OR2J2: variants seen among roughly 807,000 people sequenced by gnomAD.
OR2J2 encodes the protein olfactory receptor family 2 subfamily J member 2.
In OR2J2, 13 loss-of-function variants were observed where a neutral mutation model predicts 16.9. The observed-to-expected ratio is 0.77, with a 90% CI of 0.50 to 1.23. The LOEUF is 1.23. Among genes scored for constraint, OR2J2 ranks in the 50% most tolerant of loss-of-function variants. The pLI is 0.00. For missense variants in OR2J2, 341 were observed against 379.1 expected, an observed-to-expected ratio of 0.90 and a Z score of 0.84; for synonymous variants, 125 against 141.2, an observed-to-expected ratio of 0.89 and a Z score of 0.81.
chr6:29,173,409 A>G (rs543039025), intron 1 of OR2J2: 1 of 460,532 alleles, frequency 2.2e-6, no homozygotes, highest in South Asian at 5.8e-5. Context: ...AGGGATGTAT[A>G]TAAAGAACTC....
In OR2J2 at chr6:29,171,059, T is replaced by C. The variant is rs1480897942; in HGVS notation, c.-64T>C. On this transcript the variant is annotated 5_prime_UTR_variant, in exon 1 of 2. Transcript: ENST00000641417. ...TTCATCAGTTTATACCTGATGAGGTTGTAGGCCAGGTAGAGAGTGACAGGG... is the reference window on the plus strand; with the variant it reads ...TTCATCAGTTTATACCTGATGAGGTCGTAGGCCAGGTAGAGAGTGACAGGG... The C allele has an allele frequency of 1.3e-5, 2 of 152,228 alleles. No individual in the cohort carries two copies. The highest frequency in any genetic ancestry group is 3.9e-4 in the East Asian group (2 of 5,168). 9.4% of individuals were successfully genotyped at this position (152,228 alleles called of 1,614,324 possible).
At chr6:29,172,398 G>T (rs1202986857) in intron 1 of OR2J2, among the ~76,000 whole-genome samples, 1 of 152,050 alleles carries the variant, frequency 6.6e-6, no homozygotes, top group Non-Finnish European at 1.5e-5. Context: ...AGGAAGAGTT[G>T]GCTGTGGCAG....
intron 1 of OR2J2, among the ~76,000 whole-genome samples, chr6:29,172,690 A>T (rs926936243): frequency 1.3e-4 from 20 of 152,170 alleles, no homozygotes; most frequent in Non-Finnish European, 2.6e-4. Flanking sequence ...CTCCATTAAA[A>T]ATTGTGGAAA....
chr6:29,171,486 A>G (rs1301785666), intron 1 of OR2J2, among the ~76,000 whole-genome samples: 6 of 152,064 alleles, frequency 3.9e-5, no homozygotes, highest in East Asian at 3.9e-4. Flanking sequence ...TTATTCTACA[A>G]CTCATAAAAG....
Position 29,174,750 on chromosome 6 carries a change from T to G in OR2J2, c.*176T>G. On this transcript the variant is annotated 3_prime_UTR_variant, in exon 2 of 2. Transcript: ENST00000641417. Reference sequence around the variant, plus strand: ...TTAGTTCTGAAATATTATGTTGAGATAAAGTTTCTGATTAGTGCCACTTTG... The same window carrying G: ...TTAGTTCTGAAATATTATGTTGAGAGAAAGTTTCTGATTAGTGCCACTTTG... The G allele has an allele frequency of 5.9e-6, 3 of 506,688 alleles. No individual in the cohort carries two copies. Among genetic ancestry groups the G allele is most frequent in the Non-Finnish European group, 1.0e-5 (3 of 296,828 alleles). The allele number at this position is 506,688 out of a possible 1,614,324, so 31.4% of individuals were successfully genotyped here.
In OR2J2 at chr6:29,173,901, C is replaced by T. The variant is rs763225482; in HGVS notation, c.266C>T (p.Pro89Leu). 3.1e-6 allele frequency: 5 copies of T among 1,611,880 alleles called. No individual in the cohort carries two copies. Among genetic ancestry groups the T allele is most frequent in the South Asian group, 1.1e-5 (1 of 90,872 alleles). Residue 89 changes from proline (P) to leucine (L), a missense_variant, in exon 2 of 2, where the codon CCG (proline) becomes CTG (leucine). Pro to Leu is a moderately conservative substitution (Grantham distance 98, BLOSUM62 -3). Coordinates refer to ENST00000641417, the MANE Select transcript of OR2J2 (RefSeq NM_030905.3). The stretch of plus-strand genomic sequence containing the variant: ...CAGTTGCTGGTGAATCTCCGGGGCC[C>T]GGAAAAGACCATCTCGTATGCTGGT... Reference protein sequence around the residue: ...IPQLLVNLRGPEKTISYAGCM... With the variant: ...IPQLLVNLRGLEKTISYAGCM...
intron 1 of OR2J2, 88 bp downstream of exon 1, chr6:29,171,193 C>T (rs1295633652): frequency 6.6e-6 from 1 of 151,778 alleles, no homozygotes; most frequent in Non-Finnish European, 1.5e-5. Flanking sequence ...TTTAAATGTT[C>T]TTACTACAAA....
Position 29,172,489 on chromosome 6 carries a change from T to C in OR2J2, c.-17-1130T>C, listed in dbSNP as rs1423965962. ...CCTGTATTTTATTGCAAAAACTATA[T>C]CATAAAAGAGTGTTTATCTTTCTCA... On this transcript the variant is annotated intron_variant, in intron 1 of 1. Coordinates refer to ENST00000641417, the MANE Select transcript of OR2J2 (RefSeq NM_030905.3). 1.3e-5 allele frequency among the ~76,000 whole-genome samples: 2 copies of C among 152,050 alleles called. 1 individual carries two copies. The highest frequency in any genetic ancestry group is 2.9e-5 in the Non-Finnish European group (2 of 68,004).
At position 29,174,204 on chromosome 6, in the gene OR2J2, G is replaced by A. The variant is rs375969093; in HGVS notation, c.569G>A (p.Cys190Tyr). Residue 190 changes from cysteine (C) to tyrosine (Y), a missense_variant, in exon 2 of 2, where the codon TGT becomes TAT. Transcript: ENST00000641417. ...CEVPALLRLS[C>Y]VDTHANELTL... ...GTTCCAGCACTTCTGCGTTTATCAT[G>A]TGTTGACACCCATGCAAATGAGCTG... 6.8e-6 allele frequency: 11 copies of A among 1,613,648 alleles called. No individual in the cohort carries two copies. The highest frequency in any genetic ancestry group is 5.0e-5 in the Admixed American group (3 of 59,916).
chr6:29,174,072 T>C lies in OR2J2; in HGVS notation c.437T>C (p.Val146Ala), dbSNP rs3116856. 0.52 allele frequency: 845,236 copies of C among 1,612,738 alleles called. 229,097 individuals carry two copies. Among genetic ancestry groups the C allele is most frequent in the Non-Finnish European group, 0.55 (650,432 of 1,179,656 alleles). ...CACCCTCGTTTCTGCCACTTGTTGG[T>C]TGCGGCTTCTTGGGTAATTGGTTTT... ...LMHPRFCHLL[V>A]AASWVIGFTI... The change falls in exon 2 of 2, where the codon GTT becomes GCT. Residue 146 changes from valine to alanine, a missense_variant. Physicochemically the swap from Val to Ala is moderately conservative, Grantham distance 64 (BLOSUM62 0). Coordinates refer to ENST00000641417, the MANE Select transcript of OR2J2 (RefSeq NM_030905.3).
chr6:29,174,279 T>G lies in OR2J2; in HGVS notation c.644T>G (p.Ile215Ser), dbSNP rs748149027. 2 of 1,613,752 alleles carry G rather than the reference T, an allele frequency of 1.2e-6. No individual in the cohort carries two copies. Among genetic ancestry groups the G allele is most frequent in the East Asian group, 4.5e-5 (2 of 44,822 alleles). ...SIFVLIPLIL[I>S]LTTYGAIARA... ...TTTGTTCTCATACCTCTCATTCTCA[T>G]TCTCACTACCTATGGTGCCATTGCC... The change falls in exon 2 of 2, where the codon ATT (isoleucine) becomes AGT (serine). Residue 215 changes from isoleucine to serine, a missense_variant. Coordinates refer to ENST00000641417, the MANE Select transcript of OR2J2 (RefSeq NM_030905.3).
Position 29,174,202 on chromosome 6 carries a change from A to T in OR2J2, c.567A>T (p.Ser189=). The T allele has an allele frequency of 6.2e-7, 1 of 1,613,458 alleles. No individual in the cohort carries two copies. The highest frequency in any genetic ancestry group is 8.5e-7 in the Non-Finnish European group (1 of 1,179,892). The change falls in exon 2 of 2, where the codon TCA becomes TCT. Residue 189 remains serine (S), a synonymous_variant. Transcript: ENST00000641417. Reference sequence around the variant, plus strand: ...AAGTTCCAGCACTTCTGCGTTTATCATGTGTTGACACCCATGCAAATGAGC... The same window carrying T: ...AAGTTCCAGCACTTCTGCGTTTATCTTGTGTTGACACCCATGCAAATGAGC... ...FCEVPALLRL[S]CVDTHANELT...
At position 29,174,626 on chromosome 6, in the gene OR2J2, C is replaced by A; in HGVS notation, c.*52C>A. ...TTGTTTTTCCTAGGGTCTTAGCCAT[C>A]TTGAAAGGTGGTTTCCCTGCTTCTT... On this transcript the variant is annotated 3_prime_UTR_variant, in exon 2 of 2. Transcript: ENST00000641417. The A allele has an allele frequency of 7.0e-7, 1 of 1,420,024 alleles. No homozygotes were observed. The highest frequency in any genetic ancestry group is 9.5e-7 in the Non-Finnish European group (1 of 1,055,496). The allele number at this position is 1,420,024 out of a possible 1,614,324, so 88.0% of individuals were successfully genotyped here.
Position 29,174,702 on chromosome 6 carries a change from A to G in OR2J2, c.*128A>G, listed in dbSNP as rs890790841. On this transcript the variant is annotated 3_prime_UTR_variant, in exon 2 of 2. Coordinates refer to ENST00000641417, the MANE Select transcript of OR2J2 (RefSeq NM_030905.3). ...TCACAAAACAGAATAGTTCAGTCTC[A>G]CATTTGTTGCTCTTTTTATTATTTA... 2.3e-5 allele frequency: 14 copies of G among 607,898 alleles called. No homozygotes were observed. Among genetic ancestry groups the G allele is most frequent in the Non-Finnish European group, 3.7e-5 (14 of 374,790 alleles). 37.7% of individuals were successfully genotyped at this position (607,898 alleles called of 1,614,324 possible).
intron 1 of OR2J2, 109 bp from the exon 2 acceptor site, chr6:29,173,510 T>A: frequency 2.9e-6 from 2 of 680,966 alleles, no homozygotes; most frequent in Non-Finnish European, 5.0e-6. Flanking sequence ...TCTACTACCA[T>A]TATGGTGCAC....
At position 29,173,853 on chromosome 6, in the gene OR2J2, G is replaced by C. The variant is rs766312489; in HGVS notation, c.218G>C (p.Cys73Ser). 6.3e-5 allele frequency: 101 copies of C among 1,612,278 alleles called. 1 individual carries two copies. In the East Asian group the frequency reaches 2.3e-3, roughly 36 times the overall value. The change falls in exon 2 of 2, where the codon TGC (cysteine) becomes TCC (serine). Residue 73 changes from cysteine (C) to serine (S), a missense_variant. Cys to Ser is a moderately radical substitution (Grantham distance 112, BLOSUM62 -1). Transcript: ENST00000641417. ...TCAAACCTCTCATTTCTGGATCTCTGCTACACCACCAGCTCTATCCCTCAG... is the reference window on the plus strand; with the variant it reads ...TCAAACCTCTCATTTCTGGATCTCTCCTACACCACCAGCTCTATCCCTCAG... ...FLSNLSFLDLCYTTSSIPQLL... is the reference protein window; with the variant it reads ...FLSNLSFLDLSYTTSSIPQLL...
Position 29,174,589 on chromosome 6 carries a change from T to C in OR2J2, c.*15T>C. 1 of 1,564,392 alleles carries C rather than the reference T, an allele frequency of 6.4e-7. No homozygotes were observed. Among genetic ancestry groups the C allele is most frequent in the Non-Finnish European group, 8.7e-7 (1 of 1,155,724 alleles). On this transcript the variant is annotated 3_prime_UTR_variant, in exon 2 of 2. Transcript: ENST00000641417. Reference sequence around the variant, plus strand: ...GGGGGAAGTGACAGGGAAATCATGTTGTCTGTTGTCATTGTTTTTCCTAGG... The same window carrying C: ...GGGGGAAGTGACAGGGAAATCATGTCGTCTGTTGTCATTGTTTTTCCTAGG...
At chr6:29,173,396 T>G (rs926159284) in intron 1 of OR2J2, 2 of 417,802 alleles carry the variant, frequency 4.8e-6, no homozygotes, top group African/African-American at 2.0e-5. Flanking sequence ...CAAATGTTAA[T>G]TCAGGGATGT....
intron 1 of OR2J2, 145 bp downstream of exon 1, chr6:29,171,250 A>C (rs1184918084): frequency 6.6e-6 from 1 of 152,142 alleles, no homozygotes; most frequent in Non-Finnish European, 1.5e-5. Flanking sequence ...GCTTAATATA[A>C]TCATTCTATA....
Sources: allele counts gnomAD v4.1 joint callset (sites outside exome capture counted in the v4.1 genomes callset), GRCh38; gene constraint gnomAD v4.1.1; transcripts MANE v1.5; gene names NCBI Gene and HGNC (gene_info 2026-07-23, HGNC 2026-07-21).